Variants in HMGA2 observed in about 807,000 individuals in gnomAD.
HMGA2 encodes high mobility group AT-hook 2, also known as high mobility group protein HMGI-C.
A neutral mutation model predicts 19.1 loss-of-function variants in HMGA2; 8 were observed. That is an observed-to-expected ratio of 0.42 (90% CI 0.25 to 0.76). The LOEUF (loss-of-function observed/expected upper bound fraction) is 0.76. HMGA2 is among the 30% of genes least tolerant of loss of function. HMGA2 has a pLI of 0.28. For missense variants in HMGA2, 109 were observed against 136.3 expected, an observed-to-expected ratio of 0.80 and a Z score of 1.00; for synonymous variants, 60 against 48.8, an observed-to-expected ratio of 1.23 and a Z score of -0.96.
At chr12:65,866,751 C>T in intron 3 of HMGA2, 1 of 452,306 alleles carries the variant, frequency 2.2e-6, no homozygotes, top group Admixed American at 2.4e-5. Flanking sequence ...TGTGAATAGT[C>T]ATTCTTCTTT....
intron 3 of HMGA2, among the ~76,000 whole-genome samples, chr12:65,918,796 T>C (rs1387911150): frequency 6.6e-6 from 1 of 152,162 alleles, no homozygotes; most frequent in Admixed American, 6.5e-5. Context: ...AACAGAGAAA[T>C]AGCTGGAAAA....
At chr12:65,846,141 C>T (rs1871225999) in intron 3 of HMGA2, among the ~76,000 whole-genome samples, 1 of 152,232 alleles carries the variant, frequency 6.6e-6, no homozygotes, top group Non-Finnish European at 1.5e-5. Flanking sequence ...TGAATGCAGC[C>T]ATGACACTGA....
chr12:65,961,056 C>G (rs1332727571), intron 4 of HMGA2, among the ~76,000 whole-genome samples: 1 of 152,150 alleles, frequency 6.6e-6, no homozygotes, highest in Non-Finnish European at 1.5e-5. Context: ...AAAAATCAAA[C>G]AGTTAGAAAT....
chr12:65,908,642 T>C (rs1364935584), intron 3 of HMGA2, among the ~76,000 whole-genome samples: 1 of 152,242 alleles, frequency 6.6e-6, no homozygotes, highest in Non-Finnish European at 1.5e-5. Context: ...TGCATCTATT[T>C]CTTCCTTGAA....
intron 3 of HMGA2, among the ~76,000 whole-genome samples, chr12:65,929,883 A>C (rs1875644063): frequency 6.6e-6 from 1 of 152,162 alleles, no homozygotes; most frequent in African/African-American, 2.4e-5. Context: ...GCATTTTTGT[A>C]ATGTGTCAAG....
At chr12:65,875,835 CT>C (rs1565717566) in intron 3 of HMGA2, among the ~76,000 whole-genome samples, 1 of 151,522 alleles carries the variant, frequency 6.6e-6, no homozygotes, top group Non-Finnish European at 1.5e-5. Context: ...GGATGTTTTT[CT>C]TTTTTTATTT....
At chr12:65,874,903 G>C (rs1339924895) in intron 3 of HMGA2, among the ~76,000 whole-genome samples, 1 of 152,170 alleles carries the variant, frequency 6.6e-6, no homozygotes, top group African/African-American at 2.4e-5. Flanking sequence ...TCTTTCTACA[G>C]ATTTTTCCAG....
intron 3 of HMGA2, among the ~76,000 whole-genome samples, chr12:65,900,166 T>C (rs1172518127): frequency 6.6e-6 from 1 of 152,166 alleles, no homozygotes; most frequent in Non-Finnish European, 1.5e-5. Context: ...AACGATTTGT[T>C]CGAATTGAGG....
chr12:65,960,757 T>A (rs1876730111), intron 4 of HMGA2, among the ~76,000 whole-genome samples: 2 of 152,224 alleles, frequency 1.3e-5, no homozygotes, highest in Admixed American at 1.3e-4. Context: ...ACTAGTAGAA[T>A]TCTAAGGTCA....
chr12:65,907,778 C>T (rs2121199187), intron 3 of HMGA2, among the ~76,000 whole-genome samples: 1 of 152,212 alleles, frequency 6.6e-6, no homozygotes, highest in African/African-American at 2.4e-5. Context: ...CCGCATGGTT[C>T]TGGGAAGTGG....
intron 3 of HMGA2, among the ~76,000 whole-genome samples, chr12:65,854,734 C>G (rs566642189): frequency 6.6e-6 from 1 of 152,282 alleles, no homozygotes; most frequent in South Asian, 2.1e-4. Flanking sequence ...CTCCCCACTC[C>G]GGTATTCTTT....
intron 3 of HMGA2, among the ~76,000 whole-genome samples, chr12:65,938,467 A>T (rs561122447): frequency 6.6e-6 from 1 of 152,098 alleles, no homozygotes. Context: ...CCTTACATAC[A>T]CTGATCAGCA....
At chr12:65,879,570 T>C (rs1873250046) in intron 3 of HMGA2, among the ~76,000 whole-genome samples, 1 of 152,216 alleles carries the variant, frequency 6.6e-6, no homozygotes, top group African/African-American at 2.4e-5. Context: ...AAGTGTGTTA[T>C]GACATTTTTT....
chr12:65,901,323 A>G (rs2054547), intron 3 of HMGA2, among the ~76,000 whole-genome samples: 42,889 of 152,212 alleles, frequency 0.28, 8,759 homozygotes, highest in African/African-American at 0.57. Flanking sequence ...ATCCGGTTTA[A>G]CAAAGAAGTC....
intron 3 of HMGA2, among the ~76,000 whole-genome samples, chr12:65,882,465 C>T (rs1369028077): frequency 6.6e-6 from 1 of 152,184 alleles, no homozygotes; most frequent in Non-Finnish European, 1.5e-5. Flanking sequence ...AGAGAGGCTG[C>T]ATCCTCTCCA....
At chr12:65,947,183 G>A (rs1435854018) in intron 3 of HMGA2, among the ~76,000 whole-genome samples, 1 of 151,564 alleles carries the variant, frequency 6.6e-6, no homozygotes, top group Non-Finnish European at 1.5e-5. Flanking sequence ...GCAATGGTGT[G>A]ATCATAGCTT....
intron 4 of HMGA2, among the ~76,000 whole-genome samples, chr12:65,961,738 A>AGTGT (rs66619603): frequency 2.6e-4 from 39 of 150,272 alleles, no homozygotes; most frequent in African/African-American, 3.4e-4. Context: ...CCCAGGATAG[A>AGTGT]GTGTGTGTGT....
intron 3 of HMGA2, among the ~76,000 whole-genome samples, chr12:65,948,237 C>T (rs2121306549): frequency 6.6e-6 from 1 of 152,290 alleles, no homozygotes; most frequent in African/African-American, 2.4e-5. Flanking sequence ...CAAAATATTA[C>T]TCATTTATTA....
At chr12:65,888,552 C>CT (rs1565722298) in intron 3 of HMGA2, among the ~76,000 whole-genome samples, 40 of 90,294 alleles carry the variant, frequency 4.4e-4, no homozygotes, top group South Asian at 8.5e-4. Flanking sequence ...CCGTGGTGTG[C>CT]TCTTTTTTTT....
Sources: allele counts gnomAD v4.1 joint callset (sites outside exome capture counted in the v4.1 genomes callset), GRCh38; gene constraint gnomAD v4.1.1; transcripts MANE v1.5; gene names NCBI Gene and HGNC (gene_info 2026-07-23, HGNC 2026-07-21).